NTRK3: variants seen among roughly 807,000 people sequenced by gnomAD.
NTRK3 encodes neurotrophic receptor tyrosine kinase 3, also known as NT-3 growth factor receptor.
NTRK3 carries 24 observed loss-of-function variants against 91.7 expected under a neutral mutation model. The ratio of observed to expected loss-of-function variants is 0.26; its 90% CI spans 0.19 to 0.37. The LOEUF is 0.37. NTRK3 is among the 10% of genes least tolerant of loss of function. The probability of loss-of-function intolerance (pLI) is 1.00; values close to 1 mark genes in which losing one functional copy is unlikely to be tolerated. For missense variants in NTRK3, 880 were observed against 1,068.9 expected (o/e 0.82, Z 2.46); for synonymous variants, 483 against 404.0 (o/e 1.20, Z -2.34).
At chr15:88,083,884 G>T (rs184511306) in intron 13 of NTRK3, among the ~76,000 whole-genome samples, 17 of 152,070 alleles carry the variant, frequency 1.1e-4, no homozygotes, top group African/African-American at 3.6e-4. Flanking sequence ...GGAGGGGAGG[G>T]GTGTAAGGCT....
At chr15:87,878,096 G>A (rs978328235) in intron 18 of NTRK3, among the ~76,000 whole-genome samples, 1 of 152,042 alleles carries the variant, frequency 6.6e-6, no homozygotes, top group Non-Finnish European at 1.5e-5. Flanking sequence ...TTTTTAGGTT[G>A]GTTTTCACTT....
intron 14 of NTRK3, among the ~76,000 whole-genome samples, chr15:88,024,612 G>A (rs1348552213): frequency 1.3e-5 from 2 of 152,182 alleles, no homozygotes; most frequent in African/African-American, 4.8e-5. Context: ...GAAAGAAATG[G>A]GAAGGGGTGA....
intron 17 of NTRK3, among the ~76,000 whole-genome samples, chr15:87,918,594 A>G (rs1364160555): frequency 1.3e-5 from 2 of 152,350 alleles, no homozygotes; most frequent in South Asian, 4.1e-4. Flanking sequence ...AGCTTTAGAC[A>G]TTCTTAACTG....
intron 17 of NTRK3, among the ~76,000 whole-genome samples, chr15:87,918,148 C>A (rs2067589389): frequency 6.6e-6 from 1 of 152,140 alleles, no homozygotes; most frequent in Admixed American, 6.5e-5. Context: ...CTATGGCTAC[C>A]ACTGTGGCAC....
chr15:88,164,973 A>C (rs1190696619), intron 5 of NTRK3, among the ~76,000 whole-genome samples: 5 of 152,146 alleles, frequency 3.3e-5, no homozygotes, highest in African/African-American at 1.2e-4. Flanking sequence ...CAAGGAAGAG[A>C]CAAGATAAGA....
At chr15:88,206,324 C>T (rs1169995836) in intron 3 of NTRK3, among the ~76,000 whole-genome samples, 21 of 138,930 alleles carry the variant, frequency 1.5e-4, no homozygotes, top group Non-Finnish European at 2.0e-4. Context: ...CCAGCCTGGG[C>T]GACAGCGAGA....
Position 88,140,169 on chromosome 15 carries a change from C to A in NTRK3, c.465-2608G>T, listed in dbSNP as rs949551166. Among the ~76,000 whole-genome samples the A allele has an allele frequency of 5.3e-5, 8 of 152,182 alleles. No individual in the cohort carries two copies. In the South Asian group the frequency reaches 1.7e-3, roughly 32 times the overall value. ...CATTGAGGCCTCTAGAACTGGAGAA[C>A]AATGTGAACAAAGAGGTCTGTAAAA... On this transcript the variant is annotated intron_variant, in intron 6 of 18. Coordinates refer to ENST00000394480, the Ensembl canonical transcript of NTRK3.
chr15:87,897,394 A>C (rs1446685674), intron 17 of NTRK3, among the ~76,000 whole-genome samples: 1 of 152,202 alleles, frequency 6.6e-6, no homozygotes, highest in African/African-American at 2.4e-5. Flanking sequence ...TTTCAACTCC[A>C]AAGATGTGAG....
At chr15:87,917,924 C>G (rs146942168) in intron 17 of NTRK3, among the ~76,000 whole-genome samples, 1 of 152,160 alleles carries the variant, frequency 6.6e-6, no homozygotes, top group African/African-American at 2.4e-5. Context: ...AATTACATAG[C>G]CACAAGTGTT....
At chr15:88,063,322 A>G (rs959920597) in intron 13 of NTRK3, among the ~76,000 whole-genome samples, 5 of 152,262 alleles carry the variant, frequency 3.3e-5, no homozygotes, top group Admixed American at 1.3e-4. Context: ...AAGGCCAGAC[A>G]GAGCTGTTGG....
At chr15:88,107,845 A>C (rs1378525968) in intron 13 of NTRK3, among the ~76,000 whole-genome samples, 1 of 152,090 alleles carries the variant, frequency 6.6e-6, no homozygotes, top group Non-Finnish European at 1.5e-5. Context: ...TGGGAGAGCC[A>C]AACTGGAAGT....
At chr15:88,062,811 T>C (rs2046333323) in intron 13 of NTRK3, among the ~76,000 whole-genome samples, 1 of 152,254 alleles carries the variant, frequency 6.6e-6, no homozygotes, top group Non-Finnish European at 1.5e-5. Flanking sequence ...GGTGAGAACA[T>C]TGCTTTCCTT....
rs1252425646 is a variant in NTRK3 at position 88,234,413 on chromosome 15, T to C, written c.248+21493A>G. 1.3e-5 allele frequency among the ~76,000 whole-genome samples: 2 copies of C among 152,206 alleles called. No homozygotes were observed. Among genetic ancestry groups the C allele is most frequent in the Admixed American group, 6.5e-5 (1 of 15,286 alleles). On this transcript the variant is annotated intron_variant, in intron 3 of 18. Coordinates refer to ENST00000394480, the Ensembl canonical transcript of NTRK3. The surrounding 1 kb of genome is among the most constrained non-coding windows in gnomAD (Gnocchi z 6.1). Reference sequence around the variant, plus strand: ...CAGCCATCATTATAAGAAGCCCATATTCCTTGGGCCTGCACAGTCTCTCCC... The same window carrying C: ...CAGCCATCATTATAAGAAGCCCATACTCCTTGGGCCTGCACAGTCTCTCCC...
At chr15:88,112,790 C>A (rs1205374432) in intron 13 of NTRK3, among the ~76,000 whole-genome samples, 3 of 152,138 alleles carry the variant, frequency 2.0e-5, no homozygotes, top group Non-Finnish European at 4.4e-5. Context: ...CAGCACTCTC[C>A]CCCGCTTCAA....
intron 13 of NTRK3, among the ~76,000 whole-genome samples, chr15:88,051,746 C>T (rs1449070287): frequency 6.6e-6 from 1 of 151,976 alleles, no homozygotes; most frequent in African/African-American, 2.4e-5. Context: ...AGAAAAAAAA[C>T]AGTGGTTAGC....
At chr15:88,164,390 T>C (rs1303527337) in intron 5 of NTRK3, among the ~76,000 whole-genome samples, 7 of 152,204 alleles carry the variant, frequency 4.6e-5, no homozygotes, top group Admixed American at 3.9e-4. Flanking sequence ...TGGAGAACAA[T>C]CTTCAGAATG....
intron 17 of NTRK3, among the ~76,000 whole-genome samples, chr15:87,893,418 G>C (rs1567077954): frequency 6.6e-6 from 1 of 152,228 alleles, no homozygotes; most frequent in African/African-American, 2.4e-5. Context: ...TCAGGCTCCA[G>C]GTTCTACTTG....
intron 3 of NTRK3, among the ~76,000 whole-genome samples, chr15:88,231,847 T>C (rs987318156): frequency 5.9e-5 from 9 of 152,224 alleles, no homozygotes; most frequent in Non-Finnish European, 4.4e-5. Flanking sequence ...TTTTTCCTGG[T>C]TGCTGGAACT....
chr15:88,162,326 C>T (rs779632530), intron 5 of NTRK3, among the ~76,000 whole-genome samples: 7 of 152,152 alleles, frequency 4.6e-5, no homozygotes, highest in East Asian at 1.9e-4. Flanking sequence ...ATAACACATA[C>T]GGATGCCCCA....
Sources: allele counts gnomAD v4.1 joint callset (sites outside exome capture counted in the v4.1 genomes callset), GRCh38; gene constraint gnomAD v4.1.1; non-coding constraint Gnocchi (gnomAD v3.1); transcripts MANE v1.5; gene names NCBI Gene and HGNC (gene_info 2026-07-23, HGNC 2026-07-21).